The following SNCAIP variants were observed in gnomAD, a reference collection of about 807,000 sequenced individuals.
SNCAIP encodes the protein synuclein alpha interacting protein, also known as synphilin-1.
SNCAIP carries 43 observed loss-of-function variants against 86.7 expected under a neutral mutation model. The ratio of observed to expected loss-of-function variants is 0.50; its 90% CI spans 0.39 to 0.64. The LOEUF is 0.64. Ranked by LOEUF, SNCAIP falls within the 30% of genes least tolerant of loss-of-function variation. The pLI, the probability that SNCAIP is intolerant of heterozygous loss-of-function variation, is 0.00. For missense variants in SNCAIP, 981 were observed against 1,103.1 expected, an observed-to-expected ratio of 0.89 and a Z score of 1.57; for synonymous variants, 417 against 427.2, an observed-to-expected ratio of 0.98 and a Z score of 0.29.
At chr5:122,431,383 G>C (rs982379711) in intron 5 of SNCAIP, among the ~76,000 whole-genome samples, 3 of 152,100 alleles carry the variant, frequency 2.0e-5, no homozygotes, top group African/African-American at 7.2e-5. Context: ...ATAAATTGTG[G>C]TATAATTCTA....
chr5:122,445,726 A>G (rs935746438), intron 8 of SNCAIP, among the ~76,000 whole-genome samples: 1 of 150,086 alleles, frequency 6.7e-6, no homozygotes, highest in South Asian at 2.1e-4. Context: ...AATCAAAAAA[A>G]AAAAAAGAAA....
intron 1 of SNCAIP, among the ~76,000 whole-genome samples, chr5:122,369,001 G>A (rs543718682): frequency 1.3e-5 from 2 of 152,042 alleles, no homozygotes; most frequent in African/African-American, 4.8e-5. Context: ...AGTTCCAAGC[G>A]GCATTTTTCT....
At chr5:122,355,474 T>C (rs1283924083) in intron 1 of SNCAIP, among the ~76,000 whole-genome samples, 3 of 152,156 alleles carry the variant, frequency 2.0e-5, no homozygotes, top group Admixed American at 6.6e-5. Flanking sequence ...GAGGCAAAAA[T>C]TGTGTCTAGT....
chr5:122,334,163 C>T (rs752297341), intron 1 of SNCAIP, among the ~76,000 whole-genome samples: 2 of 152,078 alleles, frequency 1.3e-5, no homozygotes, highest in Non-Finnish European at 2.9e-5. Flanking sequence ...CTAGCACTTA[C>T]GTAGCATATA....
chr5:122,344,025 A>G (rs1235008406), intron 1 of SNCAIP, among the ~76,000 whole-genome samples: 1 of 152,148 alleles, frequency 6.6e-6, no homozygotes, highest in Non-Finnish European at 1.5e-5. Flanking sequence ...TTCCACGGCT[A>G]CTGTATTCAA....
Position 122,451,822 on chromosome 5 carries a change from T to TA in SNCAIP, c.2754+231dup, listed in dbSNP as rs368445248. The TA allele has an allele frequency of 7.6e-3, 3,441 of 455,314 alleles. 6 individuals are homozygous for TA. The highest frequency in any genetic ancestry group is 0.04 in the East Asian group (1,059 of 26,568). The allele number at this position is 455,314 out of a possible 1,614,324, so 28.2% of individuals were successfully genotyped here. On this transcript the variant is annotated intron_variant, in intron 10 of 10. Transcript: ENST00000261368. The stretch of plus-strand genomic sequence containing the variant: ...GGAAAATACTCTAAGAGAGAAAGGT[T>TA]AAAAAAAAAATAAGAGATTATATTC...
chr5:122,327,474 C>G (rs1368068966), intron 1 of SNCAIP, among the ~76,000 whole-genome samples: 1 of 152,098 alleles, frequency 6.6e-6, no homozygotes, highest in African/African-American at 2.4e-5. Context: ...AATGGAGGGA[C>G]CTGGTAGGAG....
chr5:122,396,667 G>A (rs1770686920), intron 2 of SNCAIP, among the ~76,000 whole-genome samples: 1 of 152,130 alleles, frequency 6.6e-6, no homozygotes, highest in Admixed American at 6.5e-5. Flanking sequence ...CTCTCAAAGT[G>A]TGTATAGTAT....
At chr5:122,350,368 T>C (rs763405122) in intron 1 of SNCAIP, among the ~76,000 whole-genome samples, 17 of 152,208 alleles carry the variant, frequency 1.1e-4, no homozygotes, top group Non-Finnish European at 2.2e-4. Context: ...TATTTTAAGA[T>C]GACATAATTT....
At chr5:122,403,743 C>G in intron 2 of SNCAIP, 50 bp from the exon 3 acceptor site, 3 of 1,422,518 alleles carry the variant, frequency 2.1e-6, no homozygotes, top group African/African-American at 1.4e-5. Context: ...TGAGTGAATG[C>G]TCGCATTTTA....
chr5:122,434,444 A>G (rs944683995), intron 6 of SNCAIP, among the ~76,000 whole-genome samples: 1 of 152,202 alleles, frequency 6.6e-6, no homozygotes, highest in African/African-American at 2.4e-5. Flanking sequence ...TGAACAAAAT[A>G]AAGTGCCCTT....
At chr5:122,452,742 A>G (rs1369069100) in intron 10 of SNCAIP, among the ~76,000 whole-genome samples, 1 of 152,186 alleles carries the variant, frequency 6.6e-6, no homozygotes, top group African/African-American at 2.4e-5. Flanking sequence ...CAGGTAACTT[A>G]CTGGGTTCTG....
intron 1 of SNCAIP, among the ~76,000 whole-genome samples, chr5:122,367,736 A>G (rs1763470548): frequency 2.0e-5 from 3 of 152,118 alleles, no homozygotes; most frequent in South Asian, 4.1e-4. Flanking sequence ...AAGCGCCTGT[A>G]TTACTGTGTG....
rs566671886 is a variant in SNCAIP at position 122,362,108 on chromosome 5, T to C, written c.-46-28981T>C. Reference sequence around the variant, plus strand: ...TAGTGGAGTCCTTCTGTAATGAGAATAGTAATTAAAACAATAACAACTAAC... The same window carrying C: ...TAGTGGAGTCCTTCTGTAATGAGAACAGTAATTAAAACAATAACAACTAAC... On this transcript the variant is annotated intron_variant, in intron 1 of 10. Coordinates refer to ENST00000261368, the MANE Select transcript of SNCAIP (RefSeq NM_005460.4). 7.2e-5 allele frequency among the ~76,000 whole-genome samples: 11 copies of C among 152,352 alleles called. 1 individual carries two copies. The highest frequency in any genetic ancestry group is 1.3e-4 in the Admixed American group (2 of 15,300).
chr5:122,384,484 C>G (rs1050060704), intron 1 of SNCAIP, among the ~76,000 whole-genome samples: 3 of 152,048 alleles, frequency 2.0e-5, no homozygotes, highest in Admixed American at 2.0e-4. Context: ...AATCAGAAGC[C>G]CTGGTTGCGT....
intron 1 of SNCAIP, among the ~76,000 whole-genome samples, chr5:122,366,483 T>C (rs1375197827): frequency 6.6e-6 from 1 of 152,218 alleles, no homozygotes; most frequent in African/African-American, 2.4e-5. Context: ...GGAAATATCA[T>C]TTCCTGAGAG....
intron 1 of SNCAIP, among the ~76,000 whole-genome samples, chr5:122,363,756 A>G (rs1762636333): frequency 6.6e-6 from 1 of 151,390 alleles, no homozygotes; most frequent in Non-Finnish European, 1.5e-5. Flanking sequence ...ACTACATTTA[A>G]TGCATCTGAA....
At chr5:122,457,848 C>T (rs141799655) in intron 10 of SNCAIP, among the ~76,000 whole-genome samples, 47 of 152,238 alleles carry the variant, frequency 3.1e-4, no homozygotes, top group African/African-American at 1.1e-3. Flanking sequence ...TTCTATTGAC[C>T]ATTGCACAGT....
At chr5:122,442,281 A>C (rs1325614863) in intron 7 of SNCAIP, among the ~76,000 whole-genome samples, 1 of 152,130 alleles carries the variant, frequency 6.6e-6, no homozygotes, top group East Asian at 1.9e-4. Context: ...AGGAAGGTAG[A>C]GGAGACTTGG....
Sources: allele counts gnomAD v4.1 joint callset (sites outside exome capture counted in the v4.1 genomes callset), GRCh38; gene constraint gnomAD v4.1.1; transcripts MANE v1.5; gene names NCBI Gene and HGNC (gene_info 2026-07-23, HGNC 2026-07-21).